Variants in CCNY observed in about 807,000 individuals in gnomAD.
CCNY encodes the protein cyclin Y.
CCNY carries 19 observed loss-of-function variants against 42.8 expected under a neutral mutation model. The observed-to-expected ratio is 0.44, with a 90% CI of 0.31 to 0.65. The LOEUF (loss-of-function observed/expected upper bound fraction) is 0.65, where lower values mean the gene tolerates loss of function less well. Among genes scored for constraint, CCNY ranks in the 30% least tolerant of loss-of-function variants. The pLI, the probability that CCNY is intolerant of heterozygous loss-of-function variation, is 0.07. For missense variants in CCNY, 370 were observed against 437.3 expected (o/e 0.85, Z 1.37); for synonymous variants, 165 against 162.7 (o/e 1.01, Z -0.11).
At chr10:35,434,780 C>G (rs1838489751) in intron 1 of CCNY, among the ~76,000 whole-genome samples, 1 of 152,172 alleles carries the variant, frequency 6.6e-6, no homozygotes, top group Non-Finnish European at 1.5e-5. Flanking sequence ...TGACCCATGT[C>G]TAGGCACATT....
chr10:35,263,397 TGA>T (rs1238388983), intron 3 of CCNY, among the ~76,000 whole-genome samples: 1 of 145,914 alleles, frequency 6.9e-6, no homozygotes, highest in Non-Finnish European at 1.5e-5. Context: ...AAAAATTAGC[TGA>T]GTGTGGTGGC....
At chr10:35,427,871 G>T (rs1838303092) in intron 1 of CCNY, among the ~76,000 whole-genome samples, 1 of 152,020 alleles carries the variant, frequency 6.6e-6, no homozygotes, top group Non-Finnish European at 1.5e-5. Context: ...AGCCCCTCAA[G>T]TTCTGTTCTG....
At chr10:35,290,868 TGAAAA>T (rs1482216635) in intron 3 of CCNY, among the ~76,000 whole-genome samples, 3 of 152,054 alleles carry the variant, frequency 2.0e-5, no homozygotes, top group African/African-American at 7.2e-5. Flanking sequence ...ATCCAACACT[TGAAAA>T]GAAAACTCCC....
At chr10:35,392,723 C>T (rs916130503) in intron 1 of CCNY, among the ~76,000 whole-genome samples, 1 of 152,154 alleles carries the variant, frequency 6.6e-6, no homozygotes, top group South Asian at 2.1e-4. Flanking sequence ...ACAGTCACCG[C>T]AGAGTTGGGA....
At position 35,426,246 on chromosome 10, in the gene CCNY, CACACACAA is replaced by C. The variant is rs951945543; in HGVS notation, c.155-57142_155-57135del. Among the ~76,000 whole-genome samples the C allele has an allele frequency of 9.2e-5, 14 of 151,932 alleles. No homozygotes were observed. The South Asian group carries it at 1.5e-3, about 16-fold the overall frequency. On this transcript the variant is annotated intron_variant, in intron 1 of 9. Coordinates refer to ENST00000374704, the MANE Select transcript of CCNY (RefSeq NM_145012.6). Reference sequence around the variant, plus strand: ...GCATACATGCCCATTCACACACACACACACACAAACACACAAACACACACACACTGGCA... The same window carrying C: ...GCATACATGCCCATTCACACACACACACACACAAACACACACACACTGGCA...
chr10:35,363,627 T>C (rs1836748541), intron 1 of CCNY, among the ~76,000 whole-genome samples: 1 of 152,162 alleles, frequency 6.6e-6, no homozygotes, highest in African/African-American at 2.4e-5. Flanking sequence ...GTAGTGGGGT[T>C]ATTGGATTGG....
chr10:35,268,944 C>T (rs1317879193), intron 3 of CCNY, among the ~76,000 whole-genome samples: 2 of 152,190 alleles, frequency 1.3e-5, no homozygotes. Context: ...CTGTGAAGGG[C>T]CTGGTAGCCC....
chr10:35,311,272 T>C (rs1264062939), intron 3 of CCNY, among the ~76,000 whole-genome samples: 2 of 151,682 alleles, frequency 1.3e-5, no homozygotes, highest in Non-Finnish European at 2.9e-5. Flanking sequence ...GAGCTATGAT[T>C]GTACCACTGC....
At chr10:35,279,867 G>C (rs935413297) in intron 3 of CCNY, among the ~76,000 whole-genome samples, 1 of 152,202 alleles carries the variant, frequency 6.6e-6, no homozygotes, top group Non-Finnish European at 1.5e-5. Flanking sequence ...CTTTAGCTAA[G>C]AGCTGAACTC....
chr10:35,523,664 C>T lies in CCNY; in HGVS notation c.366-2300C>T, dbSNP rs114653277. 6.2e-3 allele frequency among the ~76,000 whole-genome samples: 950 copies of T among 152,290 alleles called. 12 individuals carry two copies. Among genetic ancestry groups the T allele is most frequent in the African/African-American group, 0.022 (902 of 41,560 alleles). Reference sequence around the variant, plus strand: ...TCTTGGGGCCCTGAAGATTCTCGCCCATTCGGCAGAAGCCAGAGGACCTCT... The same window carrying T: ...TCTTGGGGCCCTGAAGATTCTCGCCTATTCGGCAGAAGCCAGAGGACCTCT... On this transcript the variant is annotated intron_variant, in intron 4 of 9. Transcript: ENST00000374704.
At chr10:35,548,681 G>A (rs1451049339) in intron 7 of CCNY, among the ~76,000 whole-genome samples, 3 of 152,178 alleles carry the variant, frequency 2.0e-5, no homozygotes, top group Admixed American at 1.3e-4. Context: ...AGTAGGCTGA[G>A]GAGGGGAGGA....
chr10:35,401,777 G>C (rs1335209354), intron 1 of CCNY, among the ~76,000 whole-genome samples: 1 of 152,088 alleles, frequency 6.6e-6, no homozygotes, highest in Non-Finnish European at 1.5e-5. Context: ...TTGGGGGCAG[G>C]GGGTGGATCT....
intron 5 of CCNY, among the ~76,000 whole-genome samples, chr10:35,529,653 A>G (rs1216700487): frequency 2.0e-5 from 3 of 152,032 alleles, no homozygotes; most frequent in Admixed American, 6.6e-5. Context: ...TCCTGAGGTC[A>G]GGAGTTCGAG....
chr10:35,370,570 T>C (rs978753284), intron 1 of CCNY, among the ~76,000 whole-genome samples: 3 of 152,034 alleles, frequency 2.0e-5, no homozygotes, highest in Non-Finnish European at 4.4e-5. Context: ...AGACCTTGGA[T>C]GATAATGACT....
intron 1 of CCNY, among the ~76,000 whole-genome samples, chr10:35,406,230 TTTA>T: frequency 6.8e-6 from 1 of 147,566 alleles, no homozygotes; most frequent in African/African-American, 2.5e-5. Context: ...TATTTATTTA[TTTA>T]TTTATTTATT....
At chr10:35,538,533 C>T (rs895299352) in intron 7 of CCNY, among the ~76,000 whole-genome samples, 3 of 152,130 alleles carry the variant, frequency 2.0e-5, no homozygotes, top group African/African-American at 7.2e-5. Flanking sequence ...AGGGTTAGGT[C>T]ATTGTTTTTA....
intron 1 of CCNY, among the ~76,000 whole-genome samples, chr10:35,434,969 C>T (rs569346426): frequency 6.6e-6 from 1 of 152,290 alleles, no homozygotes; most frequent in Non-Finnish European, 1.5e-5. Flanking sequence ...ACAGAATGAT[C>T]TGTGCTGAGC....
intron 1 of CCNY, among the ~76,000 whole-genome samples, chr10:35,392,715 A>G (rs1837439603): frequency 6.6e-6 from 1 of 152,202 alleles, no homozygotes; most frequent in Admixed American, 6.5e-5. Flanking sequence ...AGAGCTGTAC[A>G]GTCACCGCAG....
chr10:35,256,589 GGGTGT>G (rs2095715651), intron 3 of CCNY, among the ~76,000 whole-genome samples: 1 of 151,840 alleles, frequency 6.6e-6, no homozygotes, highest in Non-Finnish European at 1.5e-5. Flanking sequence ...AAAATTAGCT[GGGTGT>G]GGTGGCGGGT....
Sources: allele counts gnomAD v4.1 joint callset (sites outside exome capture counted in the v4.1 genomes callset), GRCh38; gene constraint gnomAD v4.1.1; transcripts MANE v1.5; gene names NCBI Gene and HGNC (gene_info 2026-07-23, HGNC 2026-07-21).